Variants in PTPN3 observed in about 807,000 individuals in gnomAD.
The protein encoded by PTPN3 is protein tyrosine phosphatase non-receptor type 3, also known as tyrosine-protein phosphatase non-receptor type 3.
Under a neutral mutation model 132.7 loss-of-function variants are expected in PTPN3, and 96 were observed. That is an observed-to-expected ratio of 0.72 (90% CI 0.61 to 0.86). The LOEUF (loss-of-function observed/expected upper bound fraction) is 0.86. Among genes scored for constraint, PTPN3 ranks in the 40% least tolerant of loss-of-function variants. The pLI is 0.00. For missense variants in PTPN3, 1,125 were observed against 1,159.6 expected (o/e 0.97, Z 0.43); for synonymous variants, 398 against 429.0 (o/e 0.93, Z 0.89).
intron 1 of PTPN3, among the ~76,000 whole-genome samples, chr9:109,477,125 A>T (rs917995983): frequency 1.3e-5 from 2 of 152,204 alleles, no homozygotes; most frequent in African/African-American, 4.8e-5. Context: ...CTCTGAGTCC[A>T]CTGATCCACG....
At chr9:109,381,061 G>T (rs1839034695) in intron 25 of PTPN3, among the ~76,000 whole-genome samples, 1 of 152,164 alleles carries the variant, frequency 6.6e-6, no homozygotes, top group South Asian at 2.1e-4. Flanking sequence ...ATTTTGCACA[G>T]GGAAGCTGAA....
intron 1 of PTPN3, among the ~76,000 whole-genome samples, chr9:109,470,048 T>C (rs1416899886): frequency 2.0e-5 from 3 of 152,128 alleles, no homozygotes; most frequent in Non-Finnish European, 4.4e-5. Context: ...TCTACTTTTT[T>C]TTTTTCCTTT....
chr9:109,454,349 C>T (rs1220703187), intron 5 of PTPN3, 147 bp downstream of exon 5: 2 of 710,774 alleles, frequency 2.8e-6, no homozygotes, highest in African/African-American at 1.8e-5. Flanking sequence ...TCAGTATGTG[C>T]ACCCCAGATT....
chr9:109,423,350 A>G lies in PTPN3; in HGVS notation c.1002-498T>C, dbSNP rs528858973. ...CTGGGCACAGTGGCTCATGCCTGCA[A>G]TCCCAGCATTTTGGGAGGCTGAGGC... On this transcript the variant is annotated intron_variant, in intron 12 of 25. Coordinates refer to ENST00000374541, the MANE Select transcript of PTPN3 (RefSeq NM_002829.4). Among the ~76,000 whole-genome samples, 6 of 152,346 alleles carry G rather than the reference A, an allele frequency of 3.9e-5. No homozygotes were observed. The East Asian group carries it at 1.2e-3, about 29-fold the overall frequency.
At chr9:109,395,278 G>C (rs750346731) in intron 19 of PTPN3, among the ~76,000 whole-genome samples, 1 of 152,062 alleles carries the variant, frequency 6.6e-6, no homozygotes, top group African/African-American at 2.4e-5. Context: ...TGACTAAAGT[G>C]AGAAAAAGAA....
intron 22 of PTPN3, among the ~76,000 whole-genome samples, chr9:109,385,597 C>A (rs1339863310): frequency 1.3e-5 from 2 of 152,128 alleles, no homozygotes. Context: ...TCTCAACAGG[C>A]CTGTGAACCC....
chr9:109,486,870 CT>C (rs1272127555), intron 1 of PTPN3, among the ~76,000 whole-genome samples: 1 of 152,104 alleles, frequency 6.6e-6, no homozygotes, highest in Non-Finnish European at 1.5e-5. Context: ...TTATAAGGGG[CT>C]TTTCCCCCTT....
At chr9:109,474,638 G>A (rs762123390) in intron 1 of PTPN3, among the ~76,000 whole-genome samples, 1 of 152,186 alleles carries the variant, frequency 6.6e-6, no homozygotes, top group Admixed American at 6.5e-5. Flanking sequence ...GAAAATGCAC[G>A]CATGGTATGG....
At chr9:109,415,729 T>C (rs1319191472) in intron 14 of PTPN3, among the ~76,000 whole-genome samples, 2 of 151,948 alleles carry the variant, frequency 1.3e-5, no homozygotes, top group Non-Finnish European at 2.9e-5. Context: ...CGATGAGAAA[T>C]GGCATAGGGA....
chr9:109,488,016 T>C (rs1254103166), intron 1 of PTPN3, among the ~76,000 whole-genome samples: 1 of 152,066 alleles, frequency 6.6e-6, no homozygotes, highest in Non-Finnish European at 1.5e-5. Context: ...CTGTGTGACA[T>C]GCTCTGTCCT....
At chr9:109,440,944 CTG>C (rs1261986633) in intron 7 of PTPN3, among the ~76,000 whole-genome samples, 1 of 152,180 alleles carries the variant, frequency 6.6e-6, no homozygotes, top group East Asian at 1.9e-4. Context: ...TTGCAAAACA[CTG>C]GGCGGTTTCA....
At chr9:109,427,219 CA>C in intron 11 of PTPN3, 97 bp from the exon 12 acceptor site, 1 of 1,331,564 alleles carries the variant, frequency 7.5e-7, no homozygotes, top group Non-Finnish European at 1.0e-6. Context: ...TAAGATGCAA[CA>C]GACAGCAGAA....
the PTPN3 span, among the ~76,000 whole-genome samples, chr9:109,526,088 A>G: frequency 6.6e-6 from 1 of 152,202 alleles, no homozygotes; most frequent in Non-Finnish European, 1.5e-5. Flanking sequence ...ACAACTAGAA[A>G]ATAAAATATT....
intron 1 of PTPN3, among the ~76,000 whole-genome samples, chr9:109,471,662 T>C (rs1243149043): frequency 7.7e-6 from 1 of 130,712 alleles, no homozygotes; most frequent in Non-Finnish European, 1.6e-5. Flanking sequence ...ACTTGTCATA[T>C]GGAAGGCACT....
At chr9:109,524,482 C>G in the PTPN3 span, among the ~76,000 whole-genome samples, 2 of 152,216 alleles carry the variant, frequency 1.3e-5, no homozygotes, top group Non-Finnish European at 2.9e-5. Context: ...GTTTGTCTAA[C>G]TCCAAAGCCC....
intron 4 of PTPN3, 128 bp downstream of exon 4, chr9:109,457,041 GGCTC>G: frequency 1.2e-6 from 1 of 869,466 alleles, no homozygotes; most frequent in Admixed American, 2.5e-5. Context: ...GGGAGAAGTC[GGCTC>G]ACTCATGACT....
intron 14 of PTPN3, among the ~76,000 whole-genome samples, chr9:109,411,093 C>T (rs890592833): frequency 1.3e-5 from 2 of 152,314 alleles, no homozygotes. Context: ...TTCACATGCT[C>T]ACTAGCCATA....
intron 5 of PTPN3, chr9:109,449,072 G>C: frequency 7.3e-7 from 1 of 1,368,932 alleles, no homozygotes; most frequent in Non-Finnish European, 9.4e-7. Context: ...TGACTGGTGG[G>C]GGCAATTTTC....
At position 109,422,870 on chromosome 9, in the gene PTPN3, G is replaced by T. The variant is rs761744260; in HGVS notation, c.1002-18C>A. Reference sequence around the variant, plus strand: ...TTACCGACCTGAAAAACCAGATGCAGGTTCACTTTCTACACTGACGTTCAA... The same window carrying T: ...TTACCGACCTGAAAAACCAGATGCATGTTCACTTTCTACACTGACGTTCAA... On this transcript the variant is annotated intron_variant, in intron 12 of 25. Transcript: ENST00000374541. 1.2e-6 allele frequency: 2 copies of T among 1,610,446 alleles called. No individual in the cohort carries two copies. The highest frequency in any genetic ancestry group is 1.7e-6 in the Non-Finnish European group (2 of 1,176,984).
Sources: allele counts gnomAD v4.1 joint callset (sites outside exome capture counted in the v4.1 genomes callset), GRCh38; gene constraint gnomAD v4.1.1; transcripts MANE v1.5; gene names NCBI Gene and HGNC (gene_info 2026-07-23, HGNC 2026-07-21).